ERCC6L2: variants seen among roughly 807,000 people sequenced by gnomAD.
ERCC6L2 encodes the protein ERCC excision repair 6 like 2.
In ERCC6L2, 77 loss-of-function variants were observed where a neutral mutation model predicts 132.0. The ratio of observed to expected loss-of-function variants is 0.58; its 90% confidence interval spans 0.49 to 0.71. The LOEUF (loss-of-function observed/expected upper bound fraction) is 0.71. Among genes scored for constraint, ERCC6L2 ranks in the 30% least tolerant of loss-of-function variants. The probability of loss-of-function intolerance (pLI) is 0.00; values close to 1 mark genes in which losing one functional copy is unlikely to be tolerated. For missense variants in ERCC6L2, 1,542 were observed against 1,837.6 expected (o/e 0.84, Z 2.94); for synonymous variants, 583 against 632.4 (o/e 0.92, Z 1.17).
At chr9:96,004,811 A>G (rs1833811908) in intron 18 of ERCC6L2, 110 bp downstream of exon 18, 1 of 693,520 alleles carries the variant, frequency 1.4e-6, no homozygotes, top group Non-Finnish European at 2.1e-6. Flanking sequence ...ACATCTGAAT[A>G]TTTCAGAAAA....
Position 96,004,621 on chromosome 9 carries a change from T to A in ERCC6L2, c.3594T>A (p.Pro1198=). ...SISLPLYISN[P]VNQKKKKVYH... Reference sequence around the variant, plus strand: ...CACTTCCTCTTTACATTTCAAATCCTGTAAACCAGAAGAAGAAAAAAGTCT... The same window carrying A: ...CACTTCCTCTTTACATTTCAAATCCAGTAAACCAGAAGAAGAAAAAAGTCT... The change falls in exon 18 of 19, where the codon CCT becomes CCA. Residue 1198 remains proline, a synonymous_variant. Coordinates refer to ENST00000653738, the MANE Select transcript of ERCC6L2 (RefSeq NM_020207.7). 1 of 1,322,644 alleles carries A rather than the reference T, an allele frequency of 7.6e-7. No homozygotes were observed. The highest frequency in any genetic ancestry group is 1.0e-6 in the Non-Finnish European group (1 of 997,644). 81.9% of individuals were successfully genotyped at this position (1,322,644 alleles called of 1,614,324 possible). A position where few individuals can be genotyped will look rare whatever the true frequency, so the allele number is the denominator to read the frequency against.
At position 95,966,734 on chromosome 9, in the gene ERCC6L2, C is replaced by T. The variant is rs1204722783; in HGVS notation, c.2100+20C>T. ...CTGGAGGTGTGAACTTCTTCTCTGACCTTTTCAATAATATTTTAAATACAG... is the reference window on the plus strand; with the variant it reads ...CTGGAGGTGTGAACTTCTTCTCTGATCTTTTCAATAATATTTTAAATACAG... On this transcript the variant is annotated intron_variant, in intron 14 of 18. Coordinates refer to ENST00000653738, the MANE Select transcript of ERCC6L2 (RefSeq NM_020207.7). The T allele has an allele frequency of 1.8e-5, 25 of 1,390,578 alleles. No homozygotes were observed. Among genetic ancestry groups the T allele is most frequent in the Non-Finnish European group, 2.3e-5 (24 of 1,056,260 alleles). 86.1% of individuals were successfully genotyped at this position (1,390,578 alleles called of 1,614,324 possible).
chr9:95,977,732 A>T (rs2133105649), intron 16 of ERCC6L2, among the ~76,000 whole-genome samples: 1 of 151,648 alleles, frequency 6.6e-6, no homozygotes, highest in South Asian at 2.1e-4. Context: ...ATTAGTGAAC[A>T]TCTTTTTTTT....
Position 96,012,343 on chromosome 9 carries a change from T to C in ERCC6L2, c.3793T>C (p.Ser1265Pro). The C allele has an allele frequency of 7.3e-7, 1 of 1,362,026 alleles. No individual in the cohort carries two copies. Among genetic ancestry groups the C allele is most frequent in the Non-Finnish European group, 9.8e-7 (1 of 1,017,544 alleles). The allele number at this position is 1,362,026 out of a possible 1,614,324, so 84.4% of individuals were successfully genotyped here. ...GAAAATGCTAAGAGACTTTTATGCT[T>C]CTCAATATCCAGAGGTAAAAGAATT... ...RQKMLRDFYASQYPEVKEFFV... is the reference protein window; with the variant it reads ...RQKMLRDFYAPQYPEVKEFFV... The change falls in exon 19 of 19, where the codon TCT becomes CCT. Residue 1265 changes from serine to proline, a missense_variant. Transcript: ENST00000653738.
At chr9:95,999,244 C>T (rs1177000895) in intron 17 of ERCC6L2, among the ~76,000 whole-genome samples, 2 of 151,936 alleles carry the variant, frequency 1.3e-5, no homozygotes, top group African/African-American at 2.4e-5. Context: ...GCCTGTAGTC[C>T]CAGCTACTCA....
At chr9:95,951,609 A>AG (rs1475236033) in intron 12 of ERCC6L2, among the ~76,000 whole-genome samples, 5 of 152,310 alleles carry the variant, frequency 3.3e-5, no homozygotes, top group African/African-American at 1.2e-4. Flanking sequence ...CAAAAATGAA[A>AG]GGGGACATTG....
chr9:95,931,290 C>T (rs1426544013), intron 11 of ERCC6L2, among the ~76,000 whole-genome samples: 2 of 152,168 alleles, frequency 1.3e-5, no homozygotes, highest in African/African-American at 2.4e-5. Flanking sequence ...CACACATTCT[C>T]TTCTGTTGAG....
Position 96,013,040 on chromosome 9 carries a change from C to A in ERCC6L2, c.4490C>A (p.Ala1497Glu). The A allele has an allele frequency of 7.3e-7, 1 of 1,367,570 alleles. No homozygotes were observed. The highest frequency in any genetic ancestry group is 9.8e-7 in the Non-Finnish European group (1 of 1,021,826). 84.7% of individuals were successfully genotyped at this position (1,367,570 alleles called of 1,614,324 possible). Reference protein sequence around the residue: ...DESLSKLTDLAVIETLCEKAP... With the variant: ...DESLSKLTDLEVIETLCEKAP... ...AGTCTTAGTAAACTCACAGACTTGG[C>A]AGTAATAGAGACTCTGTGTGAAAAA... The change falls in exon 19 of 19, where the codon GCA becomes GAA. Residue 1497 changes from alanine to glutamate, a missense_variant. Around this residue, in one of 4 missense-constraint regions of ERCC6L2, gnomAD observed 442 missense variants for 583.4 expected, o/e 0.76. Coordinates refer to ENST00000653738, the MANE Select transcript of ERCC6L2 (RefSeq NM_020207.7).
chr9:95,978,038 A>C (rs547277616), intron 16 of ERCC6L2, 23 bp from the exon 17 acceptor site: 3 of 1,352,040 alleles, frequency 2.2e-6, no homozygotes, highest in Non-Finnish European at 3.0e-6. Context: ...TACATCACTT[A>C]ATAAACATAA....
intron 9 of ERCC6L2, among the ~76,000 whole-genome samples, chr9:95,925,185 C>T (rs1830048688): frequency 6.6e-6 from 1 of 152,136 alleles, no homozygotes; most frequent in Admixed American, 6.6e-5. Context: ...ACTTATGACC[C>T]CACCTCTTTC....
intron 2 of ERCC6L2, among the ~76,000 whole-genome samples, chr9:95,891,545 T>C (rs759202705): frequency 6.6e-6 from 1 of 152,184 alleles, no homozygotes; most frequent in Non-Finnish European, 1.5e-5. Context: ...TTCTCTTGTG[T>C]GTATTCCTAG....
chr9:95,905,280 T>C (rs1828976722), intron 3 of ERCC6L2: 1 of 152,236 alleles, frequency 6.6e-6, no homozygotes, highest in African/African-American at 2.4e-5. Flanking sequence ...CTCAGTTCTC[T>C]GACATCTTTC....
At chr9:96,000,676 A>G (rs1833636822) in intron 17 of ERCC6L2, among the ~76,000 whole-genome samples, 3 of 152,204 alleles carry the variant, frequency 2.0e-5, no homozygotes, top group Non-Finnish European at 4.4e-5. Context: ...GGCTCACTCC[A>G]TAATCCCAAC....
chr9:96,027,186 C>CCACACAT (rs1477714106), intron 19 of ERCC6L2, among the ~76,000 whole-genome samples: 1 of 146,164 alleles, frequency 6.8e-6, no homozygotes, highest in Non-Finnish European at 1.5e-5. Context: ...ACACCACACA[C>CCACACAT]CACACATCAC....
At chr9:95,993,462 G>A (rs543749349) in intron 17 of ERCC6L2, among the ~76,000 whole-genome samples, 2 of 152,292 alleles carry the variant, frequency 1.3e-5, no homozygotes, top group African/African-American at 4.8e-5. Flanking sequence ...AGAGCCAGCA[G>A]GTCAGCAGAC....
At chr9:96,020,363 A>G (rs1281516736), downstream of ERCC6L2, 4 of 179,514 alleles carry the variant, frequency 2.2e-5, no homozygotes, top group Non-Finnish European at 4.5e-5. Flanking sequence ...CAGGTGGATA[A>G]GATGGGAGGA....
chr9:95,974,935 A>G (rs1564279188), intron 16 of ERCC6L2, among the ~76,000 whole-genome samples: 1 of 152,088 alleles, frequency 6.6e-6, no homozygotes, highest in African/African-American at 2.4e-5. Flanking sequence ...CATTTCTACA[A>G]TATTGATAAT....
In ERCC6L2 at chr9:96,012,792, A is replaced by G; in HGVS notation, c.4242A>G (p.Lys1414=). The G allele has an allele frequency of 7.3e-7, 1 of 1,367,632 alleles. No homozygotes were observed. Among genetic ancestry groups the G allele is most frequent in the Non-Finnish European group, 9.8e-7 (1 of 1,021,856 alleles). The allele number at this position is 1,367,632 out of a possible 1,614,324, so 84.7% of individuals were successfully genotyped here. The change falls in exon 19 of 19, where the codon AAA becomes AAG. Residue 1414 remains lysine, a synonymous_variant. Coordinates refer to ENST00000653738, the MANE Select transcript of ERCC6L2 (RefSeq NM_020207.7). The part of the protein sequence containing the change: ...QDLTRTGISR[K]EPLLKLENKK... ...TCACAAGAACGGGCATTTCAAGAAA[A>G]GAACCCCTTCTCAAATTGGAAAACA... is the stretch of plus-strand genomic sequence containing the variant.
In ERCC6L2 at chr9:95,928,769, A is replaced by C. The variant is rs578245803; in HGVS notation, c.1656A>C (p.Arg552=). 2 of 1,613,476 alleles carry C rather than the reference A, an allele frequency of 1.2e-6. No individual in the cohort carries two copies. Among genetic ancestry groups the C allele is most frequent in the African/African-American group, 2.7e-5 (2 of 74,980 alleles). The change falls in exon 11 of 19, where the codon CGA becomes CGC. Residue 552 remains arginine (R), a synonymous_variant. Coordinates refer to ENST00000653738, the MANE Select transcript of ERCC6L2 (RefSeq NM_020207.7). ...QYCMASGLDY[R]RLDGSTKSEE... ...GTATGGCGTCTGGGCTTGATTACCGACGACTTGATGGAAGTACAAAATCAG... is the reference window on the plus strand; with the variant it reads ...GTATGGCGTCTGGGCTTGATTACCGCCGACTTGATGGAAGTACAAAATCAG...
Sources: allele counts gnomAD v4.1 joint callset (sites outside exome capture counted in the v4.1 genomes callset), GRCh38; gene constraint gnomAD v4.1.1; regional missense constraint gnomAD v4.1.1; transcripts MANE v1.5; gene names NCBI Gene and HGNC (gene_info 2026-07-23, HGNC 2026-07-21).